The following NEK9 variants were observed in gnomAD, a reference collection of about 807,000 sequenced individuals.
NEK9 encodes the protein serine/threonine-protein kinase Nek9.
Under a neutral mutation model 123.4 loss-of-function variants are expected in NEK9, and 75 were observed. The observed-to-expected ratio is 0.61, with a 90% CI of 0.50 to 0.74. The LOEUF is 0.74. NEK9 is among the 30% of genes least tolerant of loss of function. The probability of loss-of-function intolerance (pLI) is 0.00; values close to 1 mark genes in which losing one functional copy is unlikely to be tolerated. For missense variants in NEK9, 952 were observed against 1,214.4 expected (o/e 0.78, Z 3.21); for synonymous variants, 438 against 458.7 (o/e 0.95, Z 0.58).
chr14:75,094,052 T>C (rs913595315), intron 18 of NEK9, among the ~76,000 whole-genome samples: 1 of 152,236 alleles, frequency 6.6e-6, no homozygotes, highest in African/African-American at 2.4e-5. Flanking sequence ...ACTGTTCTAG[T>C]AAAACAAACT....
chr14:75,105,330 A>G (rs1894734320), intron 13 of NEK9, among the ~76,000 whole-genome samples: 1 of 151,904 alleles, frequency 6.6e-6, no homozygotes, highest in Non-Finnish European at 1.5e-5. Context: ...AAGAAAACAG[A>G]AAACCCAAAA....
intron 7 of NEK9, 135 bp downstream of exon 7, chr14:75,114,068 T>C (rs898128155): frequency 1.7e-6 from 1 of 600,588 alleles, no homozygotes; most frequent in African/African-American, 1.8e-5. Context: ...ATACCTATTC[T>C]GGGTATAGCC....
At chr14:75,123,216 C>T (rs1032808876) in intron 2 of NEK9, among the ~76,000 whole-genome samples, 11 of 151,938 alleles carry the variant, frequency 7.2e-5, no homozygotes, top group African/African-American at 2.4e-4. Context: ...GTCTGGCCAA[C>T]GTGGCAAAAC....
intron 17 of NEK9, chr14:75,096,829 CA>C (rs35432461): frequency 7.7e-5 from 21 of 273,838 alleles, no homozygotes; most frequent in Non-Finnish European, 1.1e-4. Flanking sequence ...AAAAAAAAGA[CA>C]AAAAAAAACA....
intron 6 of NEK9, among the ~76,000 whole-genome samples, chr14:75,114,755 G>A (rs1439315940): frequency 6.6e-6 from 1 of 152,036 alleles, no homozygotes; most frequent in Admixed American, 6.5e-5. Flanking sequence ...ACAATATTAT[G>A]GTAATACCAC....
At chr14:75,127,055 T>A (rs1374011609), upstream of NEK9, 2 of 658,622 alleles carry the variant, frequency 3.0e-6, no homozygotes, top group Non-Finnish European at 4.9e-6. Flanking sequence ...TGGTGGCTCC[T>A]GCCCCCCGAC....
chr14:75,098,279 G>A (rs1894454775), intron 16 of NEK9, among the ~76,000 whole-genome samples: 1 of 151,932 alleles, frequency 6.6e-6, no homozygotes, highest in Non-Finnish European at 1.5e-5. Context: ...TACTAAGTTT[G>A]TCTGAGATGC....
Position 75,106,613 on chromosome 14 carries a change from G to C in NEK9, c.1417C>G (p.Gln473Glu). 2 of 1,614,088 alleles carry C rather than the reference G, an allele frequency of 1.2e-6. No homozygotes were observed. The highest frequency in any genetic ancestry group is 1.7e-6 in the Non-Finnish European group (2 of 1,180,010). The change falls in exon 12 of 22, where the codon CAG (glutamine) becomes GAG (glutamate). Residue 473 changes from glutamine (Q) to glutamate (E), a missense_variant. Gln to Glu is a conservative substitution (Grantham distance 29). Around this residue, in one of 4 missense-constraint regions of NEK9, gnomAD observed 698 missense variants for 875.6 expected, o/e 0.80. Coordinates refer to ENST00000238616, the MANE Select transcript of NEK9 (RefSeq NM_033116.6). ...VAGPEVLEPMQLNFFLSNPVE... is the reference protein window; with the variant it reads ...VAGPEVLEPMELNFFLSNPVE... ...GGATTGCTGAGGAAGAAGTTCAGCT[G>C]CATGGGTTCTAGCACTTCAGGGCCA...
intron 18 of NEK9, 135 bp from the exon 19 acceptor site, chr14:75,091,613 T>A (rs1202949483): frequency 3.1e-6 from 2 of 650,162 alleles, no homozygotes; most frequent in Admixed American, 4.0e-5. Flanking sequence ...AAGTCAAATG[T>A]TAGGGACTAA....
At position 75,084,372 on chromosome 14, in the gene NEK9, A is replaced by C; in HGVS notation, c.*192T>G. On this transcript the variant is annotated 3_prime_UTR_variant, in exon 22 of 22. Transcript: ENST00000238616. ...GGGCCCTTCCATTCTCCAAAACAAT[A>C]AAATCACTCCTAGATCCTATCTAAA... is the stretch of plus-strand genomic sequence containing the variant. 1.5e-6 allele frequency: 1 copy of C among 664,030 alleles called. No individual in the cohort carries two copies. The highest frequency in any genetic ancestry group is 2.6e-6 in the Non-Finnish European group (1 of 387,930). 41.1% of individuals were successfully genotyped at this position (664,030 alleles called of 1,614,324 possible). A position where few individuals can be genotyped will look rare whatever the true frequency, so the allele number is the denominator to read the frequency against.
At chr14:75,117,370 GT>G (rs966938290) in intron 5 of NEK9, 44 bp from the exon 6 acceptor site, 1 of 1,570,034 alleles carries the variant, frequency 6.4e-7, no homozygotes, top group African/African-American at 1.4e-5. Flanking sequence ...CTTTTCTGAG[GT>G]AACTATGTTA....
chr14:75,085,571 A>T (rs1893994808), intron 21 of NEK9, among the ~76,000 whole-genome samples: 1 of 152,224 alleles, frequency 6.6e-6, no homozygotes, highest in African/African-American at 2.4e-5. Flanking sequence ...TGTGAATCTA[A>T]TCAAGCCTTA....
Position 75,082,361 on chromosome 14 carries a change from C to T in NEK9, c.*2203G>A, listed in dbSNP as rs1893890651. On this transcript the variant is annotated 3_prime_UTR_variant, in exon 22 of 22. Transcript: ENST00000238616. ...TTAGCTACAGAAAACCATTCAAAGGCATTTCTACTGCCTCATCTTTTACTC... is the reference window on the plus strand; with the variant it reads ...TTAGCTACAGAAAACCATTCAAAGGTATTTCTACTGCCTCATCTTTTACTC... The T allele has an allele frequency of 1.3e-5, 2 of 152,190 alleles. No individual in the cohort carries two copies. The highest frequency in any genetic ancestry group is 4.1e-4 in the South Asian group (2 of 4,828). 9.4% of individuals were successfully genotyped at this position (152,190 alleles called of 1,614,324 possible). A position where few individuals can be genotyped will look rare whatever the true frequency, so the allele number is the denominator to read the frequency against.
intron 18 of NEK9, among the ~76,000 whole-genome samples, chr14:75,094,719 G>A (rs982242873): frequency 1.3e-5 from 2 of 152,160 alleles, no homozygotes; most frequent in African/African-American, 2.4e-5. Context: ...GGCAGAGGAT[G>A]CAGTGAGCCG....
At chr14:75,094,387 C>T (rs1263937144) in intron 18 of NEK9, among the ~76,000 whole-genome samples, 1 of 152,210 alleles carries the variant, frequency 6.6e-6, no homozygotes, top group Non-Finnish European at 1.5e-5. Flanking sequence ...AACTCCTGGC[C>T]TCAAGTAATC....
intron 14 of NEK9, among the ~76,000 whole-genome samples, 180 bp downstream of exon 14, chr14:75,103,662 A>G (rs1894665116): frequency 6.6e-6 from 1 of 152,198 alleles, no homozygotes; most frequent in Admixed American, 6.5e-5. Context: ...CTTAAATTTT[A>G]CACAGATAGA....
rs927527630 is a variant in NEK9, at chr14:75,107,351, CAG to C, written c.1317_1318del (p.Val441AspfsTer2). ...TTCTGCTGATGGCTTACCAGTCACA[CAG>C]ACAGTGAAATCATCACCACATGACA... On this transcript the variant is annotated frameshift_variant, in exon 11 of 22. Coordinates refer to ENST00000238616, the MANE Select transcript of NEK9 (RefSeq NM_033116.6). LOFTEE classifies it high-confidence loss of function. 6.2e-7 allele frequency: 1 copy of C among 1,612,968 alleles called. No individual in the cohort carries two copies. The highest frequency in any genetic ancestry group is 1.3e-5 in the African/African-American group (1 of 74,816).
chr14:75,119,489 A>G (rs978224030), intron 4 of NEK9, among the ~76,000 whole-genome samples: 1 of 152,322 alleles, frequency 6.6e-6, no homozygotes, highest in Non-Finnish European at 1.5e-5. Flanking sequence ...CAGCATAGAA[A>G]TATCTCCCAT....
chr14:75,110,397 T>C (rs1894922478), intron 8 of NEK9, 26 bp from the exon 9 acceptor site: 2 of 1,585,148 alleles, frequency 1.3e-6, no homozygotes, highest in Non-Finnish European at 1.7e-6. Flanking sequence ...CAAAGATACA[T>C]GAGTGAAATA....
Sources: gnomAD v4.1 joint callset for allele counts (sites outside exome capture counted in the v4.1 genomes callset) on GRCh38, gnomAD v4.1.1 for gene constraint, gnomAD v4.1.1 regional missense constraint, MANE v1.5 for transcripts, NCBI Gene and HGNC (gene_info 2026-07-23, HGNC 2026-07-21) for gene names.